The following KLHL18 variants were observed in gnomAD, a reference collection of about 807,000 sequenced individuals.
The protein encoded by KLHL18 is kelch-like protein 18.
Under a neutral mutation model 58.5 loss-of-function variants are expected in KLHL18, and 38 were observed. That is an observed-to-expected ratio of 0.65 (90% confidence interval 0.50 to 0.85). The LOEUF is 0.85. KLHL18 is among the 40% of genes least tolerant of loss of function. KLHL18 has a pLI of 0.00. For missense variants in KLHL18, 624 were observed against 778.4 expected, an observed-to-expected ratio of 0.80 and a Z score of 2.36; for synonymous variants, 303 against 301.9, an observed-to-expected ratio of 1.00 and a Z score of -0.04.
At chr3:47,340,181 A>G (rs1021265122) in intron 7 of KLHL18, among the ~76,000 whole-genome samples, 1 of 152,218 alleles carries the variant, frequency 6.6e-6, no homozygotes, top group Non-Finnish European at 1.5e-5. Flanking sequence ...GGATGAATGA[A>G]TGATTGTAAC....
intron 1 of KLHL18, among the ~76,000 whole-genome samples, chr3:47,315,764 TATCTC>T (rs66867218): frequency 0.015 from 2,240 of 151,984 alleles, 26 homozygotes; most frequent in Middle Eastern, 0.034. Flanking sequence ...GAAGAGAAAA[TATCTC>T]AGGAAACAGT....
At chr3:47,310,408 C>T (rs1404829539) in intron 1 of KLHL18, among the ~76,000 whole-genome samples, 1 of 152,182 alleles carries the variant, frequency 6.6e-6, no homozygotes, top group Non-Finnish European at 1.5e-5. Flanking sequence ...CTGATAGATC[C>T]TCTACTAGGT....
In KLHL18 at chr3:47,344,990, C is replaced by G. The variant is rs962188344; in HGVS notation, c.*1049C>G. On this transcript the variant is annotated 3_prime_UTR_variant, in exon 10 of 10. Transcript: ENST00000232766. Reference sequence around the variant, plus strand: ...ACTGCCACTCTTCTTGGTGGGGGCTCCTAGCTGTGGCTGGGGGCTCCAGGC... The same window carrying G: ...ACTGCCACTCTTCTTGGTGGGGGCTGCTAGCTGTGGCTGGGGGCTCCAGGC... 6.6e-6 allele frequency: 1 copy of G among 152,572 alleles called. No individual in the cohort carries two copies. Among genetic ancestry groups the G allele is most frequent in the Admixed American group, 6.5e-5 (1 of 15,280 alleles). 9.5% of individuals were successfully genotyped at this position (152,572 alleles called of 1,614,324 possible). A position where few individuals can be genotyped will look rare whatever the true frequency, so the allele number is the denominator to read the frequency against.
At position 47,308,969 on chromosome 3, in the gene KLHL18, A is replaced by G. The variant is rs1703217221; in HGVS notation, c.130-10684A>G. 5.9e-5 allele frequency among the ~76,000 whole-genome samples: 9 copies of G among 151,440 alleles called. 1 individual carries two copies. In the South Asian group the frequency reaches 1.9e-3, roughly 32 times the overall value. ...TACTTGAGATTAGGGAGTGGTGATG[A>G]CTCTTAAGGAGCATGCTGCCTTCAA... On this transcript the variant is annotated intron_variant, in intron 1 of 9. Transcript: ENST00000232766.
chr3:47,299,561 A>G (rs891709086), intron 1 of KLHL18, among the ~76,000 whole-genome samples: 5 of 151,192 alleles, frequency 3.3e-5, no homozygotes, highest in Non-Finnish European at 4.4e-5. Context: ...GCAGTGGCTC[A>G]CTCCTATGAT....
At chr3:47,329,455 G>A (rs1005039598) in intron 3 of KLHL18, among the ~76,000 whole-genome samples, 3 of 152,146 alleles carry the variant, frequency 2.0e-5, no homozygotes, top group Non-Finnish European at 4.4e-5. Context: ...TCTTGATCTC[G>A]TGACCTCGTG....
intron 8 of KLHL18, among the ~76,000 whole-genome samples, 154 bp from the exon 9 acceptor site, chr3:47,342,565 G>A (rs563411753): frequency 3.3e-5 from 5 of 152,282 alleles, no homozygotes; most frequent in African/African-American, 7.2e-5. Context: ...GGTGAGAGGC[G>A]GCAGCCAGGG....
chr3:47,286,135 T>C (rs1182650838), intron 1 of KLHL18, among the ~76,000 whole-genome samples: 4 of 152,126 alleles, frequency 2.6e-5, no homozygotes, highest in Non-Finnish European at 4.4e-5. Context: ...AGGACCAGTA[T>C]ATTTATTTTT....
intron 2 of KLHL18, among the ~76,000 whole-genome samples, chr3:47,320,359 C>T (rs1319007106): frequency 1.3e-5 from 2 of 152,062 alleles, no homozygotes; most frequent in Non-Finnish European, 2.9e-5. Flanking sequence ...GTTAAATAGT[C>T]ACATGTGGCT....
At position 47,333,194 on chromosome 3, in the gene KLHL18, G is replaced by C. The variant is rs147553235; in HGVS notation, c.638G>C (p.Arg213Pro). The C allele has an allele frequency of 1.2e-6, 2 of 1,614,064 alleles. No individual in the cohort carries two copies. The highest frequency in any genetic ancestry group is 1.7e-5 in the Admixed American group (1 of 60,008). ...EAALAWVRYD[R>P]EQRGPYLPEL... ...GCATTGGCCTGGGTCAGATACGACCGGGAGCAGAGGGGTCCCTACCTGCCT... is the reference window on the plus strand; with the variant it reads ...GCATTGGCCTGGGTCAGATACGACCCGGAGCAGAGGGGTCCCTACCTGCCT... The change falls in exon 5 of 10, where the codon CGG becomes CCG. Residue 213 changes from arginine (R) to proline (P), a missense_variant. By Grantham distance (103) the Arg-to-Pro change is moderately radical. Transcript: ENST00000232766.
At chr3:47,291,892 T>C (rs1428364638) in intron 1 of KLHL18, among the ~76,000 whole-genome samples, 1 of 152,352 alleles carries the variant, frequency 6.6e-6, no homozygotes, top group East Asian at 1.9e-4. Flanking sequence ...ATTTAGCATC[T>C]CATTTGTAAA....
chr3:47,322,211 A>G (rs1031235639), intron 2 of KLHL18, among the ~76,000 whole-genome samples: 7 of 152,268 alleles, frequency 4.6e-5, no homozygotes, highest in Non-Finnish European at 8.8e-5. Context: ...ACTAAAAACA[A>G]TAAACATGAA....
Position 47,344,095 on chromosome 3 carries a change from C to A in KLHL18, c.*154C>A, listed in dbSNP as rs295458. 502,908 of 891,328 alleles carry A rather than the reference C, an allele frequency of 0.56. 145,396 individuals carry two copies. The highest frequency in any genetic ancestry group is 0.6 in the Non-Finnish European group (359,130 of 601,092). The allele number at this position is 891,328 out of a possible 1,614,324, so 55.2% of individuals were successfully genotyped here. A position where few individuals can be genotyped will look rare whatever the true frequency, so the allele number is the denominator to read the frequency against. On this transcript the variant is annotated 3_prime_UTR_variant, in exon 10 of 10. Transcript: ENST00000232766. ...TTTTCCAGGTGCTTAAGCCCTCCCC[C>A]ACTGTGCCACCCTTGTGACCTTCAG...
At position 47,336,602 on chromosome 3, in the gene KLHL18, GACA is replaced by G. The variant is rs767710625; in HGVS notation, c.970_972del (p.Thr324del). The G allele has an allele frequency of 6.2e-7, 1 of 1,614,262 alleles. No individual in the cohort carries two copies. The highest frequency in any genetic ancestry group is 8.5e-7 in the Non-Finnish European group (1 of 1,180,048). ...ATTGCTGGGAGAGATGCCGTCCCAT[GACA>G]ACAGCCCGCAGCCGCGTTGGCGTGG... is the stretch of plus-strand genomic sequence containing the variant. On this transcript the variant is annotated inframe_deletion, in exon 7 of 10. Coordinates refer to ENST00000232766, the MANE Select transcript of KLHL18 (RefSeq NM_025010.5).
chr3:47,297,023 A>G (rs926065658), intron 1 of KLHL18, among the ~76,000 whole-genome samples: 6 of 152,192 alleles, frequency 3.9e-5, no homozygotes, highest in Non-Finnish European at 7.4e-5. Flanking sequence ...GGGAGGGTTT[A>G]GAAGAAGTGG....
chr3:47,299,847 A>G (rs1702975605), intron 1 of KLHL18, among the ~76,000 whole-genome samples: 1 of 150,950 alleles, frequency 6.6e-6, no homozygotes, highest in Admixed American at 6.6e-5. Flanking sequence ...AAAAAAAAAA[A>G]AAAAAAAAGA....
At chr3:47,304,268 G>T (rs372737026) in intron 1 of KLHL18, among the ~76,000 whole-genome samples, 5 of 152,180 alleles carry the variant, frequency 3.3e-5, no homozygotes, top group Admixed American at 3.3e-4. Context: ...ACTTTGGGAG[G>T]CCAAGGTGGG....
intron 3 of KLHL18, among the ~76,000 whole-genome samples, chr3:47,324,294 C>CTTTTTTTTTTTTTTTTTTTTT (rs1559498832): frequency 2.8e-4 from 3 of 10,614 alleles, no homozygotes; most frequent in East Asian, 5.4e-3. Flanking sequence ...CTTTTTCTTT[C>CTTTTTTTTTTTTTTTTTTTTT]TTTCTTTTTT....
intron 1 of KLHL18, among the ~76,000 whole-genome samples, chr3:47,286,080 C>T (rs1051156725): frequency 2.6e-5 from 4 of 151,948 alleles, no homozygotes; most frequent in South Asian, 4.1e-4. Flanking sequence ...TCAACTGAGA[C>T]GGTCAGCCCG....
Sources: allele counts gnomAD v4.1 joint callset (sites outside exome capture counted in the v4.1 genomes callset), GRCh38; gene constraint gnomAD v4.1.1; transcripts MANE v1.5; gene names NCBI Gene and HGNC (gene_info 2026-07-23, HGNC 2026-07-21).